The following SYNE2 variants were observed in gnomAD, a reference collection of about 807,000 sequenced individuals.
SYNE2 encodes the protein spectrin repeat containing nuclear envelope protein 2, also known as nesprin-2.
A neutral mutation model predicts 856.3 loss-of-function variants in SYNE2; 431 were observed. The ratio of observed to expected loss-of-function variants is 0.50; its 90% CI spans 0.47 to 0.55. The LOEUF (loss-of-function observed/expected upper bound fraction) is 0.55, where lower values mean the gene tolerates loss of function less well. SYNE2 is among the 20% of genes least tolerant of loss of function. SYNE2 has a pLI of 0.00. For synonymous variants in SYNE2, 2,923 were observed against 2,872.3 expected (o/e 1.02, Z -0.56); for missense variants, 8,129 against 8,023.2 (o/e 1.01, Z -0.50).
At chr14:64,128,792 G>C (rs948591340) in intron 74 of SYNE2, among the ~76,000 whole-genome samples, 1 of 152,246 alleles carries the variant, frequency 6.6e-6, no homozygotes, top group Non-Finnish European at 1.5e-5. Context: ...TGTATGTCCA[G>C]TGTTGGTAAG....
chr14:63,797,701 C>T (rs1887973334), intron 1 of SYNE2, among the ~76,000 whole-genome samples: 2 of 152,220 alleles, frequency 1.3e-5, no homozygotes, highest in Admixed American at 1.3e-4. Context: ...CTTGGCCTCC[C>T]AAAGCGATGG....
At chr14:64,179,668 A>G (rs570345242) in intron 96 of SYNE2, among the ~76,000 whole-genome samples, 187 of 151,802 alleles carry the variant, frequency 1.2e-3, no homozygotes, top group African/African-American at 4.4e-3. Flanking sequence ...CATTTTTTTC[A>G]TATTTGCCCT....
chr14:63,981,355 C>T (rs1163005223), intron 16 of SYNE2, among the ~76,000 whole-genome samples, 182 bp downstream of exon 16: 3 of 137,810 alleles, frequency 2.2e-5, no homozygotes, highest in African/African-American at 8.2e-5. Flanking sequence ...TAGTTTTCTC[C>T]ACTGGTTTAT....
At position 64,003,221 on chromosome 14, in the gene SYNE2, G is replaced by C. The variant is rs566419527; in HGVS notation, c.4288G>C (p.Glu1430Gln). 6.2e-7 allele frequency: 1 copy of C among 1,613,874 alleles called. No homozygotes were observed. Among genetic ancestry groups the C allele is most frequent in the Admixed American group, 1.7e-5 (1 of 60,002 alleles). ...ATTCACTGAGGAAAACAAATTACTA[G>C]AGGCTTGTATTTTCAAAAATAATGA... ...EEFTEENKLL[E>Q]ACIFKNNELL... Residue 1430 changes from glutamate to glutamine, a missense_variant, in exon 30 of 116, where the codon GAG (glutamate) becomes CAG (glutamine). This residue lies in a region of SYNE2 where 2,422 missense variants were observed against 2,357.4 expected (regional missense o/e 1.03). Transcript: ENST00000555002.
chr14:64,060,790 A>G (rs904508950), intron 49 of SYNE2, among the ~76,000 whole-genome samples: 2 of 152,138 alleles, frequency 1.3e-5, no homozygotes, highest in African/African-American at 4.8e-5. Context: ...ACTTTAGCCC[A>G]AGGTGGCGAG....
intron 1 of SYNE2, among the ~76,000 whole-genome samples, chr14:63,903,640 T>C (rs1054119509): frequency 6.6e-6 from 1 of 152,218 alleles, no homozygotes; most frequent in Non-Finnish European, 1.5e-5. Flanking sequence ...ATCTTTAATA[T>C]ACAATACAGT....
chr14:63,823,236 T>C (rs1413741562), intron 1 of SYNE2, among the ~76,000 whole-genome samples: 1 of 151,838 alleles, frequency 6.6e-6, no homozygotes, highest in African/African-American at 2.4e-5. Context: ...TGGAGTGCAG[T>C]GGCGCAATCT....
chr14:64,143,321 G>C (rs1367188513), intron 82 of SYNE2, among the ~76,000 whole-genome samples: 1 of 152,320 alleles, frequency 6.6e-6, no homozygotes, highest in East Asian at 1.9e-4. Context: ...TATCCCCGAA[G>C]GAACAGGGAA....
intron 1 of SYNE2, among the ~76,000 whole-genome samples, chr14:63,869,439 T>C (rs1157157279): frequency 6.6e-6 from 1 of 151,794 alleles, no homozygotes; most frequent in African/African-American, 2.4e-5. Context: ...CTGGTCAACA[T>C]GGTGAAACCC....
At chr14:63,815,217 CATATATATATCCAT>C (rs1888918654) in intron 1 of SYNE2, among the ~76,000 whole-genome samples, 2 of 35,192 alleles carry the variant, frequency 5.7e-5, no homozygotes, top group Non-Finnish European at 1.1e-4. Context: ...TATATATATC[CATATATATATCCAT>C]ATATATATGG....
intron 90 of SYNE2, among the ~76,000 whole-genome samples, chr14:64,165,951 A>G (rs1332386341): frequency 1.3e-5 from 2 of 152,174 alleles, no homozygotes; most frequent in African/African-American, 4.8e-5. Flanking sequence ...TTTTTTCATA[A>G]TTACCGTCAG....
At chr14:63,950,415 C>T (rs1350636698) in intron 7 of SYNE2, among the ~76,000 whole-genome samples, 1 of 151,976 alleles carries the variant, frequency 6.6e-6, no homozygotes, top group African/African-American at 2.4e-5. Flanking sequence ...ATTAGCCTGG[C>T]GTGGTGGCAT....
At chr14:64,093,762 A>G (rs538373371) in intron 61 of SYNE2, among the ~76,000 whole-genome samples, 155 of 152,312 alleles carry the variant, frequency 1.0e-3, no homozygotes, top group African/African-American at 3.6e-3. Flanking sequence ...TCCTAATCCC[A>G]GAAACTGAGC....
chr14:64,067,631 TA>T (rs1255325991), intron 51 of SYNE2, among the ~76,000 whole-genome samples: 1 of 152,240 alleles, frequency 6.6e-6, no homozygotes, highest in Non-Finnish European at 1.5e-5. Context: ...GTTTATGAAA[TA>T]AAGTTTATAT....
At chr14:63,992,915 T>C (rs951040862) in intron 21 of SYNE2, among the ~76,000 whole-genome samples, 5 of 152,290 alleles carry the variant, frequency 3.3e-5, no homozygotes, top group African/African-American at 1.2e-4. Flanking sequence ...ATGAGCGAAT[T>C]CCCACCCTGC....
At chr14:63,991,238 C>T (rs2096664054) in intron 21 of SYNE2, 123 bp downstream of exon 21, 1 of 1,033,666 alleles carries the variant, frequency 9.7e-7, no homozygotes, top group African/African-American at 1.6e-5. Context: ...AAGAATTTCC[C>T]AGTATTCTAT....
intron 2 of SYNE2, among the ~76,000 whole-genome samples, chr14:63,921,187 A>G (rs1255095824): frequency 1.3e-5 from 2 of 149,460 alleles, no homozygotes; most frequent in African/African-American, 5.0e-5. Flanking sequence ...CATTTACTGA[A>G]AAAAAAAAAG....
chr14:63,888,251 G>A (rs112855393), intron 1 of SYNE2, among the ~76,000 whole-genome samples: 1 of 152,152 alleles, frequency 6.6e-6, no homozygotes, highest in Non-Finnish European at 1.5e-5. Flanking sequence ...CTACGACATG[G>A]TATTGCCCCC....
Position 63,995,131 on chromosome 14 carries a change from GAA to G in SYNE2, c.2872_2873del (p.Lys958AlafsTer4), listed in dbSNP as rs1409574066. 1 of 1,603,534 alleles carries G rather than the reference GAA, an allele frequency of 6.2e-7. No homozygotes were observed. Among genetic ancestry groups the G allele is most frequent in the Admixed American group, 1.7e-5 (1 of 58,884 alleles). On this transcript the variant is annotated frameshift_variant, in exon 23 of 116. Coordinates refer to ENST00000555002, the MANE Select transcript of SYNE2 (RefSeq NM_182914.3). LOFTEE classifies it high-confidence loss of function. Reference sequence around the variant, plus strand: ...GCTTAGTGACAATATTTTAAAACTTGAAAAGCAAATAAATAAAGAAAAGAAAC... The same window carrying G: ...GCTTAGTGACAATATTTTAAAACTTGAAGCAAATAAATAAAGAAAAGAAAC... Reference protein sequence around the residue: ...GKLSDNILKLEKQINKEKKLI... With the variant: ...GKLSDNILKLXKQINKEKKLI...
Sources: gnomAD v4.1 joint callset for allele counts (sites outside exome capture counted in the v4.1 genomes callset) on GRCh38, gnomAD v4.1.1 for gene constraint, gnomAD v4.1.1 regional missense constraint, MANE v1.5 for transcripts, NCBI Gene and HGNC (gene_info 2026-07-23, HGNC 2026-07-21) for gene names.